The following DYSF variants were observed in gnomAD, a reference collection of about 807,000 sequenced individuals.
DYSF encodes the protein dystrophy-associated fer-1-like 1.
DYSF carries 212 observed loss-of-function variants against 274.9 expected under a neutral mutation model. The observed-to-expected ratio is 0.77, with a 90% CI of 0.69 to 0.86. DYSF has a LOEUF of 0.86. DYSF is among the 40% of genes least tolerant of loss of function. The probability of loss-of-function intolerance (pLI) is 0.00; values close to 1 mark genes in which losing one functional copy is unlikely to be tolerated. For missense variants in DYSF, 2,666 were observed against 2,783.2 expected (o/e 0.96, Z 0.95); for synonymous variants, 1,091 against 1,078.7 (o/e 1.01, Z -0.22).
chr2:71,571,839 ATG>A (rs1374900546), intron 29 of DYSF, among the ~76,000 whole-genome samples: 18 of 136,000 alleles, frequency 1.3e-4, no homozygotes, highest in African/African-American at 4.2e-4. Context: ...CACCCAGCAC[ATG>A]CACAGATCAC....
chr2:71,626,409 T>C (rs1574448928), intron 41 of DYSF, among the ~76,000 whole-genome samples: 1 of 147,820 alleles, frequency 6.8e-6, no homozygotes, highest in Non-Finnish European at 1.5e-5. Context: ...TGTAGTGAAT[T>C]ACATTAATAT....
intron 1 of DYSF, among the ~76,000 whole-genome samples, chr2:71,474,161 G>A (rs1181174307): frequency 6.6e-6 from 1 of 152,114 alleles, no homozygotes; most frequent in Non-Finnish European, 1.5e-5. Flanking sequence ...CCTGACCTCA[G>A]GTGATCCACC....
intron 33 of DYSF, 120 bp from the exon 34 acceptor site, chr2:71,600,582 G>T (rs1558583081): frequency 7.3e-7 from 1 of 1,378,196 alleles, no homozygotes. Context: ...TGTGGGAGGG[G>T]GTGCCCTTAC....
At chr2:71,489,948 T>G (rs1167469743) in intron 3 of DYSF, among the ~76,000 whole-genome samples, 1 of 152,140 alleles carries the variant, frequency 6.6e-6, no homozygotes, top group African/African-American at 2.4e-5. Context: ...GCTGTGAAAT[T>G]TAAATAATAT....
chr2:71,596,221 C>A (rs2093405322), intron 32 of DYSF, among the ~76,000 whole-genome samples: 1 of 152,110 alleles, frequency 6.6e-6, no homozygotes, highest in Non-Finnish European at 1.5e-5. Context: ...CAGCGCTGAG[C>A]TCATTGCCTG....
chr2:71,528,266 G>A (rs2088201712), intron 13 of DYSF, 32 bp from the exon 14 acceptor site: 5 of 1,578,918 alleles, frequency 3.2e-6, no homozygotes, highest in Non-Finnish European at 4.3e-6. Flanking sequence ...GAGACAGCAG[G>A]CAGGCAGTGA....
At chr2:71,544,174 TCCATATCCTGGTTG>T (rs1406007607) in intron 17 of DYSF, among the ~76,000 whole-genome samples, 1 of 152,208 alleles carries the variant, frequency 6.6e-6, no homozygotes, top group East Asian at 1.9e-4. Flanking sequence ...GGATGTGGTT[TCCATATCCTGGTTG>T]GCTCTCTGCC....
intron 5 of DYSF, among the ~76,000 whole-genome samples, chr2:71,512,470 T>C (rs1366550811): frequency 1.3e-5 from 2 of 152,146 alleles, no homozygotes; most frequent in South Asian, 2.1e-4. Context: ...TCTGGGCCCA[T>C]AGATTATTTG....
intron 41 of DYSF, among the ~76,000 whole-genome samples, chr2:71,641,304 G>A (rs1040254341): frequency 2.7e-5 from 4 of 148,786 alleles, no homozygotes; most frequent in South Asian, 4.3e-4. Flanking sequence ...TCAGCCTCCC[G>A]AGTAGCTGGG....
intron 35 of DYSF, among the ~76,000 whole-genome samples, chr2:71,602,300 G>T (rs1372441448): frequency 1.3e-5 from 2 of 152,118 alleles, no homozygotes. Context: ...GTTCTTGGGA[G>T]GCCCTCCCTT....
chr2:71,671,859 C>T (rs1329846597), intron 51 of DYSF, among the ~76,000 whole-genome samples: 1 of 152,124 alleles, frequency 6.6e-6, no homozygotes, highest in Non-Finnish European at 1.5e-5. Flanking sequence ...GGGGCCAACC[C>T]GTGGGCGAGT....
intron 52 of DYSF, among the ~76,000 whole-genome samples, chr2:71,678,124 A>G (rs1660245604): frequency 1.3e-5 from 2 of 152,332 alleles, no homozygotes; most frequent in Non-Finnish European, 1.5e-5. Context: ...AATTTTTTTC[A>G]TATATACTTT....
At chr2:71,685,776 A>G (rs1040847541) in intron 55 of DYSF, among the ~76,000 whole-genome samples, 1 of 152,232 alleles carries the variant, frequency 6.6e-6, no homozygotes, top group African/African-American at 2.4e-5. Context: ...GGCTTTCCCC[A>G]GCCGGCGCTG....
intron 1 of DYSF, among the ~76,000 whole-genome samples, chr2:71,468,525 A>T (rs891080536): frequency 2.0e-5 from 3 of 152,118 alleles, no homozygotes; most frequent in African/African-American, 7.2e-5. Context: ...AAGTACCCCG[A>T]ACACGTGCAG....
chr2:71,633,146 T>C (rs2094342940), intron 41 of DYSF, among the ~76,000 whole-genome samples: 1 of 152,144 alleles, frequency 6.6e-6, no homozygotes, highest in Non-Finnish European at 1.5e-5. Flanking sequence ...TTGTTATAAG[T>C]GTGTGGAGTT....
chr2:71,598,086 A>G (rs1006882731), intron 32 of DYSF, among the ~76,000 whole-genome samples: 2 of 152,222 alleles, frequency 1.3e-5, no homozygotes, highest in African/African-American at 4.8e-5. Context: ...CTATTCTTCA[A>G]GGCTCTGACC....
At position 71,626,778 on chromosome 2, in the gene DYSF, A is replaced by G. The variant is rs117058185; in HGVS notation, c.4527+6169A>G. ...ATTATCCGTTGCCTAAATGTTTGGT[A>G]GATTCACTCATAAAACTGTCTAGAC... On this transcript the variant is annotated intron_variant, in intron 41 of 55. Coordinates refer to ENST00000410020, the MANE Select transcript of DYSF (RefSeq NM_001130987.2). Among the ~76,000 whole-genome samples the G allele has an allele frequency of 1.7e-3, 251 of 152,082 alleles. 7 individuals carry two copies. The East Asian group carries it at 0.043, about 26-fold the overall frequency.
chr2:71,613,455 C>G (rs1188758371), intron 40 of DYSF, 45 bp downstream of exon 40: 1 of 1,511,650 alleles, frequency 6.6e-7, no homozygotes, highest in Non-Finnish European at 9.1e-7. Flanking sequence ...CCTTTCCCCT[C>G]CATTCCTCAT....
At chr2:71,530,013 C>G (rs990816700) in intron 14 of DYSF, among the ~76,000 whole-genome samples, 1 of 142,778 alleles carries the variant, frequency 7.0e-6, no homozygotes, top group Non-Finnish European at 1.6e-5. Flanking sequence ...AGCACAGGGT[C>G]CCAGTGAAAA....
Sources: gnomAD v4.1 joint callset for allele counts (sites outside exome capture counted in the v4.1 genomes callset) on GRCh38, gnomAD v4.1.1 for gene constraint, MANE v1.5 for transcripts, NCBI Gene and HGNC (gene_info 2026-07-23, HGNC 2026-07-21) for gene names.